The following FRAS1 variants were observed in gnomAD, a reference collection of about 807,000 sequenced individuals.
FRAS1 encodes the protein extracellular matrix organizing protein FRAS1.
Under a neutral mutation model 435.2 loss-of-function variants are expected in FRAS1, and 290 were observed. The observed-to-expected ratio is 0.67, with a 90% CI of 0.61 to 0.73. The LOEUF (loss-of-function observed/expected upper bound fraction) is 0.73. Ranked by LOEUF, FRAS1 falls within the 30% of genes least tolerant of loss-of-function variation. FRAS1 has a pLI of 0.00. For synonymous variants in FRAS1, 1,800 were observed against 1,851.0 expected (o/e 0.97, Z 0.71); for missense variants, 4,860 against 5,001.5 (o/e 0.97, Z 0.85).
At chr4:78,444,362 A>AT (rs1718709093) in intron 41 of FRAS1, 1 of 199,732 alleles carries the variant, frequency 5.0e-6, no homozygotes, top group African/African-American at 2.4e-5. Context: ...GAGGGGTAAA[A>AT]TTTAAAAAAA....
In FRAS1 at chr4:78,519,375, A is replaced by G. The variant is rs774665117; in HGVS notation, c.10434A>G (p.Leu3478=). The G allele has an allele frequency of 3.8e-5, 61 of 1,604,642 alleles. No individual in the cohort carries two copies. The highest frequency in any genetic ancestry group is 4.8e-5 in the Non-Finnish European group (57 of 1,176,956). ...CCTTCTTGACAGTGCACGTGCCTCT[A>G]TATGTGTCCTACATCTATGTGACAG... The part of the protein sequence containing the change: ...AQSFLTVHVP[L]YVSYIYVTAP... The change falls in exon 67 of 74, where the codon CTA becomes CTG. Residue 3478 remains leucine (L), a synonymous_variant. Coordinates refer to ENST00000512123, the MANE Select transcript of FRAS1 (RefSeq NM_025074.7).
chr4:78,110,481 A>AG (rs1283475528), intron 2 of FRAS1, among the ~76,000 whole-genome samples: 1 of 73,914 alleles, frequency 1.4e-5, no homozygotes, highest in Admixed American at 1.7e-4. Flanking sequence ...GACAAACCTG[A>AG]GAAAAACAAG....
At chr4:78,423,611 A>G (rs747861802) in intron 34 of FRAS1, among the ~76,000 whole-genome samples, 31 of 152,200 alleles carry the variant, frequency 2.0e-4, no homozygotes, top group Non-Finnish European at 4.1e-4. Flanking sequence ...TTTTTTGATT[A>G]TGGTAAACAT....
intron 14 of FRAS1, among the ~76,000 whole-genome samples, chr4:78,291,050 G>A (rs1008642858): frequency 2.0e-5 from 3 of 152,198 alleles, no homozygotes; most frequent in African/African-American, 7.2e-5. Context: ...ACAGGCGTGA[G>A]CCACTGCGCC....
chr4:78,453,919 A>G (rs902395130), intron 47 of FRAS1, among the ~76,000 whole-genome samples: 15 of 152,196 alleles, frequency 9.9e-5, no homozygotes, highest in African/African-American at 3.6e-4. Context: ...TACAGTCTTC[A>G]TTAATTCAAC....
chr4:78,224,265 G>T (rs572333037), intron 2 of FRAS1, among the ~76,000 whole-genome samples: 1 of 152,160 alleles, frequency 6.6e-6, no homozygotes, highest in Non-Finnish European at 1.5e-5. Flanking sequence ...GGTCCTTGAC[G>T]CCAGTCAGTC....
Position 78,530,967 on chromosome 4 carries a change from C to T in FRAS1, c.10926-3482C>T, listed in dbSNP as rs530102676. On this transcript the variant is annotated intron_variant, in intron 70 of 73. Transcript: ENST00000512123. The stretch of plus-strand genomic sequence containing the variant: ...TTTCACAATATTGATTCTTCCTATC[C>T]GTGAGCATGGAATGTTTTTCATTTG... Among the ~76,000 whole-genome samples the T allele has an allele frequency of 2.1e-5, 3 of 143,354 alleles. No individual in the cohort carries two copies. The East Asian group carries it at 6.5e-4, about 31-fold the overall frequency. The allele number at this position is 143,354 out of a possible 152,430, so 94.0% of individuals were successfully genotyped here. A position where few individuals can be genotyped will look rare whatever the true frequency, so the allele number is the denominator to read the frequency against.
At chr4:78,521,310 T>C (rs970746854) in intron 67 of FRAS1, among the ~76,000 whole-genome samples, 1 of 151,812 alleles carries the variant, frequency 6.6e-6, no homozygotes, top group Non-Finnish European at 1.5e-5. Flanking sequence ...TCAAGAACAG[T>C]GGAACCATTA....
chr4:78,138,689 CT>C (rs751959033), intron 2 of FRAS1, among the ~76,000 whole-genome samples: 22 of 152,156 alleles, frequency 1.4e-4, no homozygotes, highest in South Asian at 6.2e-4. Context: ...TATCTCTCCC[CT>C]AGGGTTGTTT....
At chr4:78,521,757 G>T in intron 68 of FRAS1, 127 bp downstream of exon 68, 1 of 593,628 alleles carries the variant, frequency 1.7e-6, no homozygotes, top group Non-Finnish European at 2.9e-6. Context: ...ACATCCATGT[G>T]CACATACATC....
rs765100093 is a variant in FRAS1, at chr4:78,363,506, C to T, written c.2423-7C>T. The T allele has an allele frequency of 5.6e-6, 9 of 1,605,616 alleles. No individual in the cohort carries two copies. In the African/African-American group the frequency reaches 1.2e-4, roughly 21 times the overall value. ...GTGCCTTCTCTGTGCTCCCCTTCCC[C>T]CTCCAGACTGCCATCACCTGTGCCA... is the stretch of plus-strand genomic sequence containing the variant. On this transcript the variant is annotated splice_region_variant and splice_polypyrimidine_tract_variant and intron_variant, in intron 20 of 73. Coordinates refer to ENST00000512123, the MANE Select transcript of FRAS1 (RefSeq NM_025074.7).
chr4:78,397,192 A>G (rs1011827005), intron 29 of FRAS1, among the ~76,000 whole-genome samples: 2 of 152,144 alleles, frequency 1.3e-5, no homozygotes, highest in Non-Finnish European at 2.9e-5. Context: ...TGGCTTCAGG[A>G]GAGAAAGACC....
chr4:78,272,941 A>G (rs1041081818), intron 9 of FRAS1, among the ~76,000 whole-genome samples: 2 of 152,280 alleles, frequency 1.3e-5, no homozygotes, highest in Non-Finnish European at 2.9e-5. Flanking sequence ...CTTCCTATCC[A>G]TGAGCATGGA....
At chr4:78,474,163 G>T (rs1719795344) in intron 53 of FRAS1, among the ~76,000 whole-genome samples, 1 of 152,228 alleles carries the variant, frequency 6.6e-6, no homozygotes, top group Non-Finnish European at 1.5e-5. Context: ...TGGTAGGAAT[G>T]TATATCTGTA....
intron 2 of FRAS1, among the ~76,000 whole-genome samples, chr4:78,122,231 G>T (rs548072222): frequency 5.9e-5 from 9 of 152,144 alleles, no homozygotes; most frequent in African/African-American, 1.9e-4. Flanking sequence ...TTGGTGTTTG[G>T]TTTTCTGATC....
Position 78,447,368 on chromosome 4 carries a change from T to C in FRAS1, c.6010+488T>C, listed in dbSNP as rs139233686. ...TGGGACCTTCTACCTACTTCTTTTT[T>C]TTAAGAGCCATCTCTCCAGTTATTG... is the stretch of plus-strand genomic sequence containing the variant. On this transcript the variant is annotated intron_variant, in intron 43 of 73. Transcript: ENST00000512123. Among the ~76,000 whole-genome samples the C allele has an allele frequency of 4.2e-3, 636 of 151,570 alleles. 19 individuals carry two copies. The highest frequency in any genetic ancestry group is 0.036 in the Admixed American group (552 of 15,148).
In FRAS1 at chr4:78,515,076, A is replaced by AAG. The variant is rs1379538807; in HGVS notation, c.10175-722_10175-721insGA. Among the ~76,000 whole-genome samples the AAG allele has an allele frequency of 7.7e-4, 117 of 151,470 alleles. 1 individual carries two copies. Among genetic ancestry groups the AAG allele is most frequent in the African/African-American group, 2.6e-3 (108 of 41,274 alleles). On this transcript the variant is annotated intron_variant, in intron 65 of 73. Transcript: ENST00000512123. ...GAGTAAGACTCCATCTCAAAAAAAA[A>AAG]AAAAAATTTAACCCTCATATTCTAA... is the stretch of plus-strand genomic sequence containing the variant.
chr4:78,154,940 G>C (rs1720819670), intron 2 of FRAS1, among the ~76,000 whole-genome samples: 1 of 152,118 alleles, frequency 6.6e-6, no homozygotes, highest in African/African-American at 2.4e-5. Flanking sequence ...CCATTTTCCT[G>C]GCCCAGTGAG....
At chr4:78,231,223 G>A (rs1724507825) in intron 2 of FRAS1, among the ~76,000 whole-genome samples, 1 of 151,910 alleles carries the variant, frequency 6.6e-6, no homozygotes, top group African/African-American at 2.4e-5. Context: ...CCAAAGTGCT[G>A]GGATTACAGG....
Sources: gnomAD v4.1 joint callset for allele counts (sites outside exome capture counted in the v4.1 genomes callset) on GRCh38, gnomAD v4.1.1 for gene constraint, MANE v1.5 for transcripts, NCBI Gene and HGNC (gene_info 2026-07-23, HGNC 2026-07-21) for gene names.